Variants in MFSD11 observed in about 807,000 individuals in gnomAD.
MFSD11 encodes UNC93-like protein MFSD11.
In MFSD11, 36 loss-of-function variants were observed where a neutral mutation model predicts 53.5. The observed-to-expected ratio is 0.67, with a 90% CI of 0.52 to 0.89. The LOEUF is 0.89. MFSD11 is among the 40% of genes least tolerant of loss of function. The pLI is 0.00. For missense variants in MFSD11, 530 were observed against 543.9 expected, an observed-to-expected ratio of 0.97 and a Z score of 0.25; for synonymous variants, 186 against 184.9, an observed-to-expected ratio of 1.01 and a Z score of -0.05.
chr17:76,737,503 A>C, upstream of MFSD11: 2 of 314,246 alleles, frequency 6.4e-6, no homozygotes, highest in Non-Finnish European at 5.9e-6. Flanking sequence ...GGCGGGCCAA[A>C]AAGCGCGGAG....
intron 9 of MFSD11, among the ~76,000 whole-genome samples, chr17:76,767,687 C>T (rs1255443456): frequency 6.6e-6 from 1 of 152,152 alleles, no homozygotes; most frequent in Non-Finnish European, 1.5e-5. Flanking sequence ...TGCTCTCCAT[C>T]TCCACGACCC....
intron 8 of MFSD11, among the ~76,000 whole-genome samples, chr17:76,764,851 TC>T (rs1465397902): frequency 1.3e-5 from 2 of 152,202 alleles, no homozygotes. Context: ...CATATTGTTT[TC>T]CATGTTCGCT....
At position 76,775,101 on chromosome 17, in the gene MFSD11, C is replaced by T; in HGVS notation, c.979C>T (p.Leu327Phe). ...CTTCATAGCTTTTTATCTAATATTT[C>T]TCAACATGCCTGGAGATGCCCCGAT... ...VHFIAFYLIF[L>F]NMPGDAPIAP... Residue 327 changes from leucine to phenylalanine, a missense_variant, in exon 11 of 13, where the codon CTC becomes TTC. Coordinates refer to ENST00000685175, the MANE Select transcript of MFSD11 (RefSeq NM_001242532.5). 1 of 1,614,052 alleles carries T rather than the reference C, an allele frequency of 6.2e-7. No individual in the cohort carries two copies. Among genetic ancestry groups the T allele is most frequent in the Non-Finnish European group, 8.5e-7 (1 of 1,179,948 alleles).
the MFSD11 span, among the ~76,000 whole-genome samples, chr17:76,793,225 A>G: frequency 2.0e-5 from 3 of 151,454 alleles, no homozygotes; most frequent in Admixed American, 1.3e-4. Flanking sequence ...GCCTGGGAGC[A>G]CTATGGGAGA....
chr17:76,792,733 A>G, the MFSD11 span, among the ~76,000 whole-genome samples: 1 of 151,486 alleles, frequency 6.6e-6, no homozygotes, highest in Non-Finnish European at 1.5e-5. Context: ...ATCTGGAATT[A>G]GCTGAATGGG....
rs1249461257 is a variant in MFSD11 at position 76,744,360 on chromosome 17, A to G, written c.535A>G (p.Ile179Val). Residue 179 changes from isoleucine to valine, a missense_variant, in exon 7 of 13, where the codon ATT becomes GTT. By Grantham distance (29) the Ile-to-Val change is conservative. Coordinates refer to ENST00000685175, the MANE Select transcript of MFSD11 (RefSeq NM_001242532.5). ...RRTVFIALTVISLVGTVLFFL... is the reference protein window; with the variant it reads ...RRTVFIALTVVSLVGTVLFFL... ...AACAGTGTTTATTGCCCTAACGGTG[A>G]TTAGCCTTGTGGGGACAGTTCTATT... The G allele has an allele frequency of 3.1e-6, 5 of 1,613,988 alleles. No individual in the cohort carries two copies. Among genetic ancestry groups the G allele is most frequent in the Non-Finnish European group, 3.4e-6 (4 of 1,180,000 alleles).
rs1239222383 is a variant in MFSD11, at chr17:76,754,096, T to A, written c.682+9T>A. Reference sequence around the variant, plus strand: ...GGCAGTAGATGCTTTTAGTAAGTATTTTCTGTATCTGAAATGCAAGAACTG... The same window carrying A: ...GGCAGTAGATGCTTTTAGTAAGTATATTCTGTATCTGAAATGCAAGAACTG... On this transcript the variant is annotated intron_variant, in intron 8 of 12. Transcript: ENST00000685175. The A allele has an allele frequency of 1.2e-6, 2 of 1,609,668 alleles. No homozygotes were observed. Among genetic ancestry groups the A allele is most frequent in the Middle Eastern group, 1.7e-4 (1 of 6,054 alleles).
intron 7 of MFSD11, among the ~76,000 whole-genome samples, chr17:76,748,668 A>G (rs576775723): frequency 6.6e-6 from 1 of 152,094 alleles, no homozygotes; most frequent in African/African-American, 2.4e-5. Flanking sequence ...CATGGGCAAC[A>G]GAGCAAGACC....
intron 5 of MFSD11, among the ~76,000 whole-genome samples, chr17:76,742,600 T>G (rs564331473): frequency 6.6e-6 from 1 of 152,194 alleles, no homozygotes; most frequent in African/African-American, 2.4e-5. Context: ...CCTCCTGGAT[T>G]CAAGCAATTC....
At chr17:76,777,506 A>G (rs1303167517) in intron 12 of MFSD11, among the ~76,000 whole-genome samples, 4 of 152,200 alleles carry the variant, frequency 2.6e-5, no homozygotes, top group Non-Finnish European at 4.4e-5. Context: ...AAGTGCTGGG[A>G]TTATAAACAT....
intron 8 of MFSD11, among the ~76,000 whole-genome samples, chr17:76,766,418 C>CA (rs1178883099): frequency 0.088 from 5,103 of 57,714 alleles, 128 homozygotes; most frequent in East Asian, 0.25. Context: ...GACTCTGTCT[C>CA]AAAAAAAAAA....
At chr17:76,755,710 GTGTATATATATGTGTATATGTATATATA>G (rs1366861765) in intron 8 of MFSD11, among the ~76,000 whole-genome samples, 1,467 of 138,676 alleles carry the variant, frequency 0.011, 19 homozygotes, top group Middle Eastern at 0.028. Flanking sequence ...ATATATATAT[GTGTATATATATGTGTATATGTATATATA>G]TGTATATATA....
chr17:76,744,393 A>G lies in MFSD11; in HGVS notation c.568A>G (p.Ile190Val). 1.2e-6 allele frequency: 2 copies of G among 1,613,868 alleles called. No individual in the cohort carries two copies. The highest frequency in any genetic ancestry group is 1.7e-6 in the Non-Finnish European group (2 of 1,179,776). The change falls in exon 7 of 13, where the codon ATT becomes GTT. Residue 190 changes from isoleucine to valine, a missense_variant. By Grantham distance (29) the Ile-to-Val change is conservative. Transcript: ENST00000685175. ...TGTGGGGACAGTTCTATTCTTTCTC[A>G]TTCGGAAACCAGATTCTGAAAATGT... ...SLVGTVLFFL[I>V]RKPDSENVLG...
intron 8 of MFSD11, among the ~76,000 whole-genome samples, chr17:76,755,782 G>GTATATATA (rs1234863900): frequency 3.4e-5 from 1 of 29,166 alleles, no homozygotes; most frequent in East Asian, 2.1e-3. Context: ...GTGTGTGTGT[G>GTATATATA]TGTGTATACA....
intron 7 of MFSD11, chr17:76,752,970 C>T (rs2079191517): frequency 6.6e-6 from 1 of 151,760 alleles, no homozygotes. Context: ...TAGCATGGCC[C>T]CTGCGCAAGG....
chr17:76,772,320 G>A (rs915968164), intron 10 of MFSD11, among the ~76,000 whole-genome samples: 5 of 151,684 alleles, frequency 3.3e-5, no homozygotes, highest in African/African-American at 1.2e-4. Context: ...AGCTACTTGG[G>A]AGGCTGAAGT....
chr17:76,778,374 C>G lies in MFSD11; in HGVS notation c.*22C>G. ...CTGATCTGGTGTCCGTGAGGGGACA[C>G]GTATGACCTCAGAAACACAGCTGGA... On this transcript the variant is annotated 3_prime_UTR_variant, in exon 13 of 13. Transcript: ENST00000685175. 6.2e-7 allele frequency: 1 copy of G among 1,612,572 alleles called. No homozygotes were observed. The highest frequency in any genetic ancestry group is 8.5e-7 in the Non-Finnish European group (1 of 1,178,830).
At chr17:76,768,985 CAAAA>C (rs769093548) in intron 9 of MFSD11, among the ~76,000 whole-genome samples, 2 of 83,094 alleles carry the variant, frequency 2.4e-5, no homozygotes, top group Non-Finnish European at 5.4e-5. Context: ...GACTCTCTCT[CAAAA>C]AAAAAAAAAA....
Position 76,738,172 on chromosome 17 carries a change from A to T in MFSD11, c.-181A>T. On this transcript the variant is annotated 5_prime_UTR_variant, in exon 1 of 13. Coordinates refer to ENST00000685175, the MANE Select transcript of MFSD11 (RefSeq NM_001242532.5). ...AGGAGTATCCTAACTGCCGGTGGGG[A>T]GAACTTCGCCCTAAACCTGGGGTTC... The T allele has an allele frequency of 3.3e-6, 2 of 604,970 alleles. No individual in the cohort carries two copies. The highest frequency in any genetic ancestry group is 4.0e-5 in the South Asian group (2 of 49,780). The allele number at this position is 604,970 out of a possible 1,614,324, so 37.5% of individuals were successfully genotyped here. A position where few individuals can be genotyped will look rare whatever the true frequency, so the allele number is the denominator to read the frequency against.
Sources: gnomAD v4.1 joint callset for allele counts (sites outside exome capture counted in the v4.1 genomes callset) on GRCh38, gnomAD v4.1.1 for gene constraint, MANE v1.5 for transcripts, NCBI Gene and HGNC (gene_info 2026-07-23, HGNC 2026-07-21) for gene names.